ANKS1B: variants seen among roughly 807,000 people sequenced by gnomAD.
ANKS1B encodes ankyrin repeat and sterile alpha motif domain containing 1B, also known as ankyrin repeat and sterile alpha motif domain-containing protein 1B.
ANKS1B carries 36 observed loss-of-function variants against 148.3 expected under a neutral mutation model. That is an observed-to-expected ratio of 0.24 (90% CI 0.19 to 0.32). The LOEUF is 0.32. Among genes scored for constraint, ANKS1B ranks in the 10% least tolerant of loss-of-function variants. The pLI, the probability that ANKS1B is intolerant of heterozygous loss-of-function variation, is 1.00. For synonymous variants in ANKS1B, 542 were observed against 560.8 expected (o/e 0.97, Z 0.47); for missense variants, 1,157 against 1,542.6 (o/e 0.75, Z 4.19).
At chr12:99,767,199 T>A (rs2062730246) in intron 8 of ANKS1B, among the ~76,000 whole-genome samples, 1 of 152,044 alleles carries the variant, frequency 6.6e-6, no homozygotes, top group Non-Finnish European at 1.5e-5. Context: ...ATATTTTGCA[T>A]TGGAAAAGAA....
intron 12 of ANKS1B, among the ~76,000 whole-genome samples, chr12:99,376,912 T>C (rs1465858321): frequency 2.0e-5 from 3 of 152,138 alleles, no homozygotes; most frequent in Non-Finnish European, 4.4e-5. Flanking sequence ...GATTAAATCA[T>C]GGATACATTG....
intron 12 of ANKS1B, among the ~76,000 whole-genome samples, chr12:99,383,701 G>A (rs1393987275): frequency 6.6e-6 from 1 of 152,056 alleles, no homozygotes; most frequent in Non-Finnish European, 1.5e-5. Context: ...TTGCATAACA[G>A]TCATTAGGAT....
At chr12:99,325,399 A>G (rs927477714) in intron 12 of ANKS1B, among the ~76,000 whole-genome samples, 1 of 152,162 alleles carries the variant, frequency 6.6e-6, no homozygotes, top group Non-Finnish European at 1.5e-5. Context: ...TTGGCAGTTT[A>G]CAAATGGATA....
chr12:99,594,668 C>T (rs557714186), intron 9 of ANKS1B, among the ~76,000 whole-genome samples: 2 of 152,088 alleles, frequency 1.3e-5, no homozygotes, highest in African/African-American at 4.8e-5. Flanking sequence ...CTAAAATGAT[C>T]AAACTCACAG....
chr12:99,476,317 T>A (rs2096320146), intron 10 of ANKS1B, among the ~76,000 whole-genome samples: 1 of 152,088 alleles, frequency 6.6e-6, no homozygotes, highest in East Asian at 1.9e-4. Context: ...TGCTTGAACC[T>A]GGGAGGTGCA....
intron 4 of ANKS1B, among the ~76,000 whole-genome samples, chr12:99,802,393 G>C (rs2067055645): frequency 1.3e-5 from 2 of 152,046 alleles, no homozygotes; most frequent in African/African-American, 4.8e-5. Context: ...CTAACTTCAA[G>C]AGAAAACTGC....
intron 15 of ANKS1B, among the ~76,000 whole-genome samples, chr12:99,148,561 T>C (rs2073944586): frequency 6.6e-6 from 1 of 152,128 alleles, no homozygotes; most frequent in African/African-American, 2.4e-5. Flanking sequence ...CCAGCGCCAA[T>C]ATTGTACTTG....
chr12:99,528,240 C>G (rs1185849591), intron 9 of ANKS1B, among the ~76,000 whole-genome samples: 1 of 152,026 alleles, frequency 6.6e-6, no homozygotes, highest in Admixed American at 6.6e-5. Flanking sequence ...GGATTAAAGA[C>G]TTAAATATAA....
chr12:99,715,196 C>A (rs1172059763), intron 8 of ANKS1B, among the ~76,000 whole-genome samples: 18 of 152,076 alleles, frequency 1.2e-4, no homozygotes, highest in Non-Finnish European at 1.0e-4. Flanking sequence ...AGGCCTCGAG[C>A]CCAAGCTAAG....
chr12:99,577,792 T>G (rs565503159), intron 9 of ANKS1B, among the ~76,000 whole-genome samples: 39 of 152,128 alleles, frequency 2.6e-4, no homozygotes, highest in African/African-American at 9.1e-4. Flanking sequence ...TGAATTCTAC[T>G]GCATGTATAA....
chr12:99,500,822 A>G (rs996717188), intron 10 of ANKS1B, among the ~76,000 whole-genome samples: 12 of 152,132 alleles, frequency 7.9e-5, no homozygotes, highest in African/African-American at 2.7e-4. Flanking sequence ...CAAATATATT[A>G]TATTTGTCAC....
chr12:99,113,291 A>C (rs2153704671), intron 15 of ANKS1B, among the ~76,000 whole-genome samples: 1 of 152,308 alleles, frequency 6.6e-6, no homozygotes, highest in Admixed American at 6.5e-5. Flanking sequence ...TGGCAGAAAG[A>C]GGCAGATGGT....
chr12:99,039,722 G>T (rs2099957730), intron 17 of ANKS1B, among the ~76,000 whole-genome samples: 1 of 152,116 alleles, frequency 6.6e-6, no homozygotes, highest in Non-Finnish European at 1.5e-5. Context: ...TAAGTTTTAG[G>T]GTATATGTGC....
intron 12 of ANKS1B, among the ~76,000 whole-genome samples, chr12:99,257,116 C>T (rs978883624): frequency 2.6e-5 from 4 of 151,738 alleles, no homozygotes; most frequent in East Asian, 1.9e-4. Context: ...TTGTGGCGGG[C>T]GCCTGTAGTC....
intron 9 of ANKS1B, among the ~76,000 whole-genome samples, chr12:99,538,597 T>C (rs1176425966): frequency 2.8e-4 from 42 of 152,214 alleles, no homozygotes; most frequent in Admixed American, 2.7e-3. Flanking sequence ...TATGTTAATT[T>C]TGTATCCTGC....
chr12:98,969,358 A>G (rs1266405774), intron 17 of ANKS1B, among the ~76,000 whole-genome samples: 2 of 152,202 alleles, frequency 1.3e-5, no homozygotes, highest in Non-Finnish European at 2.9e-5. Context: ...ATTCTGGTAA[A>G]TGGGCATGAT....
intron 12 of ANKS1B, among the ~76,000 whole-genome samples, chr12:99,387,732 G>C (rs1251333682): frequency 6.6e-6 from 1 of 151,868 alleles, no homozygotes; most frequent in African/African-American, 2.4e-5. Context: ...CTGGTGCCTC[G>C]GTGTGGCCTC....
intron 19 of ANKS1B, among the ~76,000 whole-genome samples, chr12:98,827,330 C>T (rs907078417): frequency 6.6e-6 from 1 of 152,208 alleles, no homozygotes; most frequent in African/African-American, 2.4e-5. Context: ...GTGTGTCTAG[C>T]AGTCACTCGA....
intron 4 of ANKS1B, among the ~76,000 whole-genome samples, chr12:99,801,889 A>G (rs1276219025): frequency 6.6e-6 from 1 of 152,178 alleles, no homozygotes; most frequent in African/African-American, 2.4e-5. Flanking sequence ...ACACAGGTAC[A>G]TTGGCAGATG....
Sources: allele counts gnomAD v4.1 joint callset (sites outside exome capture counted in the v4.1 genomes callset), GRCh38; gene constraint gnomAD v4.1.1; transcripts MANE v1.5; gene names NCBI Gene and HGNC (gene_info 2026-07-23, HGNC 2026-07-21).